The following PCBP3 variants were observed in gnomAD, a reference collection of about 807,000 sequenced individuals.
The protein encoded by PCBP3 is poly(rC)-binding protein 3.
A neutral mutation model predicts 52.7 loss-of-function variants in PCBP3; 25 were observed. The ratio of observed to expected loss-of-function variants is 0.47; its 90% CI spans 0.35 to 0.66. The LOEUF is 0.66. Ranked by LOEUF, PCBP3 falls within the 30% of genes least tolerant of loss-of-function variation. The pLI is 0.01. For missense variants in PCBP3, 391 were observed against 490.3 expected (o/e 0.80, Z 1.91); for synonymous variants, 162 against 183.0 (o/e 0.89, Z 0.93).
intron 11 of PCBP3, chr21:45,911,331 G>T (rs1449537960): frequency 2.6e-6 from 1 of 390,998 alleles, no homozygotes; most frequent in Admixed American, 3.6e-5. Flanking sequence ...CCACTGAGGG[G>T]TCTTCTGCAC....
intron 5 of PCBP3, among the ~76,000 whole-genome samples, chr21:45,879,967 A>G (rs190206067): frequency 8.5e-5 from 13 of 152,236 alleles, no homozygotes; most frequent in Non-Finnish European, 1.5e-4. Flanking sequence ...TTAAAAACAG[A>G]ACTAAGCCTC....
intron 2 of PCBP3, among the ~76,000 whole-genome samples, chr21:45,708,207 A>T (rs568842431): frequency 6.6e-6 from 1 of 152,120 alleles, no homozygotes; most frequent in Non-Finnish European, 1.5e-5. Flanking sequence ...TGTGGGTACT[A>T]TGGGGGAGGG....
At chr21:45,922,712 G>A (rs1053342423) in intron 13 of PCBP3, among the ~76,000 whole-genome samples, 1 of 152,244 alleles carries the variant, frequency 6.6e-6, no homozygotes, top group South Asian at 2.1e-4. Flanking sequence ...TTGCCATGTA[G>A]GCGATTTTAG....
chr21:45,659,726 A>G (rs1174967026), intron 1 of PCBP3, among the ~76,000 whole-genome samples: 2 of 152,096 alleles, frequency 1.3e-5, no homozygotes, highest in African/African-American at 4.8e-5. Context: ...TTAGCAGTGT[A>G]TTGTTAAATT....
chr21:45,795,600 C>T (rs2091885644), intron 4 of PCBP3, among the ~76,000 whole-genome samples: 1 of 152,026 alleles, frequency 6.6e-6, no homozygotes, highest in Admixed American at 6.5e-5. Context: ...AGGGATGCCA[C>T]AAAAGCAATT....
intron 2 of PCBP3, among the ~76,000 whole-genome samples, chr21:45,714,772 TGGGGACCTTGCTCTTGGGA>T (rs1486386770): frequency 1.3e-5 from 2 of 152,182 alleles, no homozygotes; most frequent in African/African-American, 4.8e-5. Context: ...TGGTGAGATG[TGGGGACCTTGCTCTTGGGA>T]GTGCACATTT....
chr21:45,927,307 C>CT (rs1423949397), intron 13 of PCBP3, among the ~76,000 whole-genome samples: 7 of 31,378 alleles, frequency 2.2e-4, no homozygotes, highest in Non-Finnish European at 4.7e-4. Flanking sequence ...TCCCTCCCCT[C>CT]CCCTTCCTCC....
chr21:45,868,753 G>A (rs960889026), intron 5 of PCBP3, among the ~76,000 whole-genome samples: 2 of 152,224 alleles, frequency 1.3e-5, no homozygotes, highest in Non-Finnish European at 2.9e-5. Flanking sequence ...GGAAGAACCC[G>A]GGAGGCAGGC....
intron 4 of PCBP3, among the ~76,000 whole-genome samples, chr21:45,835,942 C>G (rs1453652412): frequency 6.6e-6 from 1 of 152,192 alleles, no homozygotes; most frequent in East Asian, 1.9e-4. Context: ...ACAGGGGAAG[C>G]TGTGGCCGCA....
chr21:45,665,170 G>A (rs1325912999), intron 1 of PCBP3, among the ~76,000 whole-genome samples: 7 of 152,072 alleles, frequency 4.6e-5, no homozygotes, highest in Non-Finnish European at 1.0e-4. Flanking sequence ...GGGAGGCCAA[G>A]GCAGGAGGAT....
chr21:45,778,266 C>T (rs1250529116), intron 4 of PCBP3, among the ~76,000 whole-genome samples: 1 of 152,088 alleles, frequency 6.6e-6, no homozygotes, highest in Non-Finnish European at 1.5e-5. Flanking sequence ...GTGCTGGGGA[C>T]TGGGATGCCA....
At chr21:45,781,481 C>T (rs1286263643) in intron 4 of PCBP3, among the ~76,000 whole-genome samples, 2 of 152,196 alleles carry the variant, frequency 1.3e-5, no homozygotes, top group African/African-American at 4.8e-5. Context: ...CTCGGTGTAA[C>T]TGACCATACT....
intron 1 of PCBP3, among the ~76,000 whole-genome samples, chr21:45,646,083 TTCTCTC>T (rs1164554233): frequency 1.0e-5 from 1 of 99,572 alleles, no homozygotes; most frequent in Non-Finnish European, 2.0e-5. Context: ...CTCTCTCTCT[TTCTCTC>T]TCTCTCTCTC....
intron 13 of PCBP3, among the ~76,000 whole-genome samples, chr21:45,925,224 C>G (rs1008111698): frequency 2.0e-4 from 30 of 151,940 alleles, no homozygotes; most frequent in African/African-American, 5.6e-4. Flanking sequence ...TGCGAACACC[C>G]GCAGGTCTCT....
At chr21:45,758,638 T>G (rs1162296593) in intron 4 of PCBP3, among the ~76,000 whole-genome samples, 2 of 152,164 alleles carry the variant, frequency 1.3e-5, no homozygotes, top group African/African-American at 4.8e-5. Flanking sequence ...TATAACTCAT[T>G]TTTATATATT....
intron 1 of PCBP3, among the ~76,000 whole-genome samples, chr21:45,654,763 A>T (rs2079908133): frequency 6.6e-6 from 1 of 152,222 alleles, no homozygotes; most frequent in Non-Finnish European, 1.5e-5. Context: ...TAAAGTTTAC[A>T]ATTGAGTGTT....
Position 45,829,605 on chromosome 21 carries a change from G to A in PCBP3, c.-125-20356G>A, listed in dbSNP as rs2093395981. Reference sequence around the variant, plus strand: ...CAAGCCACAGGAAGCTACTTTCCTTGTGCAAATCCTGGGTTACTGGGTTTC... The same window carrying A: ...CAAGCCACAGGAAGCTACTTTCCTTATGCAAATCCTGGGTTACTGGGTTTC... On this transcript the variant is annotated intron_variant, in intron 4 of 17. Coordinates refer to ENST00000681687, the MANE Select transcript of PCBP3 (RefSeq NM_001384156.1). The surrounding 1 kb of genome is among the most constrained non-coding windows in gnomAD (Gnocchi z 5.2). The A allele has an allele frequency of 6.6e-6, 1 of 152,320 alleles. No individual in the cohort carries two copies. Among genetic ancestry groups the A allele is most frequent in the African/African-American group, 2.4e-5 (1 of 41,546 alleles). 9.4% of individuals were successfully genotyped at this position (152,320 alleles called of 1,614,324 possible). A position where few individuals can be genotyped will look rare whatever the true frequency, so the allele number is the denominator to read the frequency against.
chr21:45,909,770 CACCCACT>C (rs2096298211), intron 10 of PCBP3, among the ~76,000 whole-genome samples: 2 of 110,062 alleles, frequency 1.8e-5, no homozygotes, highest in East Asian at 2.7e-4. Flanking sequence ...GGACCCCCCC[CACCCACT>C]GCCCAGATAC....
chr21:45,824,182 G>A (rs1335952500), intron 4 of PCBP3, among the ~76,000 whole-genome samples: 5 of 152,140 alleles, frequency 3.3e-5, no homozygotes, highest in African/African-American at 1.2e-4. Flanking sequence ...CCCTCACTCT[G>A]CCTCCTGGGA....
Sources: gnomAD v4.1 joint callset for allele counts (sites outside exome capture counted in the v4.1 genomes callset) on GRCh38, gnomAD v4.1.1 for gene constraint, Gnocchi (gnomAD v3.1) non-coding constraint, MANE v1.5 for transcripts, NCBI Gene and HGNC (gene_info 2026-07-23, HGNC 2026-07-21) for gene names.